The following ABLIM2 variants were observed in gnomAD, a reference collection of about 807,000 sequenced individuals.
ABLIM2 encodes the protein actin-binding LIM protein 2.
Under a neutral mutation model 97.7 loss-of-function variants are expected in ABLIM2, and 53 were observed. That is an observed-to-expected ratio of 0.54 (90% confidence interval 0.44 to 0.68). The LOEUF is 0.68. Ranked by LOEUF, ABLIM2 falls within the 30% of genes least tolerant of loss-of-function variation. ABLIM2 has a pLI of 0.00. For synonymous variants in ABLIM2, 361 were observed against 345.8 expected (o/e 1.04, Z -0.49); for missense variants, 835 against 867.2 (o/e 0.96, Z 0.47).
In ABLIM2 at chr4:8,046,964, T is replaced by C. The variant is rs565350112; in HGVS notation, c.823-1723A>G. On this transcript the variant is annotated intron_variant, in intron 8 of 20. Coordinates refer to ENST00000447017, the MANE Select transcript of ABLIM2 (RefSeq NM_001130083.2). This position sits in a 1 kb window ranked among gnomAD's most constrained non-coding sequence, Gnocchi z 4.4. ...GGCTCCAGAGCTGTGGGAAGGTGGG[T>C]TTCTGCTGTGCAGGCCACCCAGGCC... Among the ~76,000 whole-genome samples the C allele has an allele frequency of 6.6e-6, 1 of 152,248 alleles. No homozygotes were observed. The highest frequency in any genetic ancestry group is 2.1e-4 in the South Asian group (1 of 4,820).
intron 8 of ABLIM2, among the ~76,000 whole-genome samples, chr4:8,053,211 A>G (rs764948763): frequency 6.6e-6 from 1 of 152,210 alleles, no homozygotes; most frequent in East Asian, 1.9e-4. Flanking sequence ...TCAGAACTCA[A>G]AAGAATGCAA....
chr4:7,968,886 A>C (rs1577464770), intron 20 of ABLIM2, among the ~76,000 whole-genome samples: 1 of 152,310 alleles, frequency 6.6e-6, no homozygotes, highest in East Asian at 1.9e-4. Context: ...CACGCCTGTA[A>C]TCCCAGCACT....
Position 8,154,528 on chromosome 4 carries a change from C to T in ABLIM2, c.10+4152G>A, listed in dbSNP as rs541099801. ...ATCTCCTGACCTTGTGATCCACCCG[C>T]CTCGGCCTCCCAAAGTGCTGGGATT... On this transcript the variant is annotated intron_variant, in intron 1 of 20. Transcript: ENST00000447017. Among the ~76,000 whole-genome samples the T allele has an allele frequency of 2.0e-5, 3 of 152,158 alleles. No individual in the cohort carries two copies. The East Asian group carries it at 5.8e-4, about 29-fold the overall frequency.
intron 10 of ABLIM2, among the ~76,000 whole-genome samples, chr4:8,030,824 C>T (rs192137378): frequency 6.6e-6 from 1 of 152,192 alleles, no homozygotes; most frequent in Non-Finnish European, 1.5e-5. Flanking sequence ...CAGCTCGGTG[C>T]AAGTGGCCCC....
At chr4:8,077,765 G>A (rs2152415896) in intron 5 of ABLIM2, 44 bp from the exon 6 acceptor site, 2 of 1,531,808 alleles carry the variant, frequency 1.3e-6, no homozygotes, top group Non-Finnish European at 1.8e-6. Flanking sequence ...TGTCGCCCGA[G>A]GACCCTTGAG....
At chr4:8,070,498 G>A (rs1299888971) in intron 6 of ABLIM2, among the ~76,000 whole-genome samples, 1 of 152,102 alleles carries the variant, frequency 6.6e-6, no homozygotes, top group South Asian at 2.1e-4. Flanking sequence ...TATTTATTTG[G>A]AAACACGGTT....
Position 8,019,745 on chromosome 4 carries a change from G to C in ABLIM2, c.1370-74C>G. On this transcript the variant is annotated intron_variant, in intron 13 of 20. Coordinates refer to ENST00000447017, the MANE Select transcript of ABLIM2 (RefSeq NM_001130083.2). The surrounding 1 kb of genome is among the most constrained non-coding windows in gnomAD (Gnocchi z 4.3). ...AAGTTGTGATGGTTTCTGTTCTACA[G>C]CTTTTTGTAAGCAACAAGCACTCAC... 3 of 1,435,836 alleles carry C rather than the reference G, an allele frequency of 2.1e-6. No homozygotes were observed. Among genetic ancestry groups the C allele is most frequent in the South Asian group, 1.2e-5 (1 of 84,958 alleles). 88.9% of individuals were successfully genotyped at this position (1,435,836 alleles called of 1,614,324 possible).
chr4:8,097,362 CCA>C, intron 2 of ABLIM2, 80 bp from the exon 3 acceptor site: 28 of 1,484,606 alleles, frequency 1.9e-5, no homozygotes, highest in Admixed American at 6.3e-5. Context: ...GCACCCCCCT[CCA>C]CACACACACC....
rs1473541940 is a variant in ABLIM2 at position 8,085,227 on chromosome 4, C to T, written c.454+2942G>A. ...CCCTCCCCAGGGAGGGGCAGCCACA[C>T]AGGCAGCCATGTGAGGCCCCACCCT... On this transcript the variant is annotated intron_variant, in intron 4 of 20. Coordinates refer to ENST00000447017, the MANE Select transcript of ABLIM2 (RefSeq NM_001130083.2). The surrounding 1 kb of genome is among the most constrained non-coding windows in gnomAD (Gnocchi z 6.1). Among the ~76,000 whole-genome samples, 1 of 152,118 alleles carries T rather than the reference C, an allele frequency of 6.6e-6. No individual in the cohort carries two copies. Among genetic ancestry groups the T allele is most frequent in the Non-Finnish European group, 1.5e-5 (1 of 68,006 alleles).
Position 7,988,742 on chromosome 4 carries a change from G to A in ABLIM2, c.1681-3849C>T, listed in dbSNP as rs182540654. 7.0e-3 allele frequency among the ~76,000 whole-genome samples: 1,069 copies of A among 152,288 alleles called. 13 individuals carry two copies. The highest frequency in any genetic ancestry group is 0.025 in the African/African-American group (1,019 of 41,558). ...TTATTTGTCCTCAAAAAGACCTCAA[G>A]AGGTAAGGATAATTTTTTAAAGACT... On this transcript the variant is annotated intron_variant, in intron 17 of 20. Transcript: ENST00000447017.
rs758934036 is a variant in ABLIM2, at chr4:8,008,108, C to T, written c.1569G>A (p.Gly523=). 1.9e-6 allele frequency: 3 copies of T among 1,614,046 alleles called. No individual in the cohort carries two copies. The highest frequency in any genetic ancestry group is 2.5e-6 in the Non-Finnish European group (3 of 1,179,908). The stretch of plus-strand genomic sequence containing the variant: ...TCCTTTGGAGAGGGTCTCTGTCGGT[C>T]CCGCTGCTGTGGGACAAGGACTGGG... ...LDTQSLSHSS[G]TDRDPLQRMA... is the part of the protein sequence containing the mutation. Residue 523 remains glycine (G), a synonymous_variant, in exon 16 of 21, where the codon GGG becomes GGA. Transcript: ENST00000447017.
At chr4:8,129,846 G>A (rs1040137533) in intron 1 of ABLIM2, among the ~76,000 whole-genome samples, 30 of 152,186 alleles carry the variant, frequency 2.0e-4, no homozygotes, top group African/African-American at 7.0e-4. Flanking sequence ...GCCATTGTAC[G>A]GATGGGAGTG....
chr4:8,080,715 T>C lies in ABLIM2; in HGVS notation c.542A>G (p.Lys181Arg). Residue 181 changes from lysine to arginine, a missense_variant, in exon 5 of 21, where the codon AAG becomes AGG. Coordinates refer to ENST00000447017, the MANE Select transcript of ABLIM2 (RefSeq NM_001130083.2). The part of the protein sequence containing the change: ...KHWHLGCFKC[K>R]SCGKLLNAEY... ...GGCATTCAGGAGCTTCCCACAGCTC[T>C]TGCACTTAAAACAGCCCAAGTGCCA... 2 of 1,612,426 alleles carry C rather than the reference T, an allele frequency of 1.2e-6. No individual in the cohort carries two copies. The highest frequency in any genetic ancestry group is 2.2e-5 in the South Asian group (2 of 90,922).
intron 20 of ABLIM2, among the ~76,000 whole-genome samples, chr4:7,978,231 T>C (rs1735117350): frequency 6.6e-6 from 1 of 152,188 alleles, no homozygotes; most frequent in East Asian, 1.9e-4. Flanking sequence ...CAGCCGCTGC[T>C]GAGAAAAGAG....
chr4:8,110,201 C>T (rs1018116716), intron 1 of ABLIM2, among the ~76,000 whole-genome samples: 2 of 152,244 alleles, frequency 1.3e-5, no homozygotes, highest in African/African-American at 4.8e-5. Context: ...CGTGCATCTT[C>T]AAGACGCTTA....
At position 8,021,763 on chromosome 4, in the gene ABLIM2, A is replaced by G. The variant is rs891179051; in HGVS notation, c.1268-1460T>C. Among the ~76,000 whole-genome samples, 2 of 152,234 alleles carry G rather than the reference A, an allele frequency of 1.3e-5. No homozygotes were observed. The highest frequency in any genetic ancestry group is 2.9e-5 in the Non-Finnish European group (2 of 68,036). ...CCCCAGCCAGGCTGATGCCGTAGAA[A>G]GGACTGCAGGCTCTAACTTTGAGCA... On this transcript the variant is annotated intron_variant, in intron 12 of 20. Coordinates refer to ENST00000447017, the MANE Select transcript of ABLIM2 (RefSeq NM_001130083.2). The surrounding 1 kb of genome is among the most constrained non-coding windows in gnomAD (Gnocchi z 5.5).
intron 1 of ABLIM2, among the ~76,000 whole-genome samples, chr4:8,138,540 G>A (rs901473720): frequency 2.0e-5 from 3 of 152,114 alleles, no homozygotes; most frequent in African/African-American, 7.2e-5. Flanking sequence ...CAATGGAACA[G>A]AATAGAGATC....
At chr4:8,040,043 C>G (rs949112308) in intron 9 of ABLIM2, among the ~76,000 whole-genome samples, 13 of 152,206 alleles carry the variant, frequency 8.5e-5, no homozygotes, top group African/African-American at 3.1e-4. Context: ...CCGCCAAGCC[C>G]TCACGGTCCG....
At chr4:7,975,580 T>A (rs1732346391) in intron 20 of ABLIM2, among the ~76,000 whole-genome samples, 1 of 152,224 alleles carries the variant, frequency 6.6e-6, no homozygotes, top group Non-Finnish European at 1.5e-5. Flanking sequence ...CACTAAATGA[T>A]GTCCGCTCCA....
Sources: allele counts gnomAD v4.1 joint callset (sites outside exome capture counted in the v4.1 genomes callset), GRCh38; gene constraint gnomAD v4.1.1; non-coding constraint Gnocchi (gnomAD v3.1); transcripts MANE v1.5; gene names NCBI Gene and HGNC (gene_info 2026-07-23, HGNC 2026-07-21).